The following TGDS variants were observed in gnomAD, a reference collection of about 807,000 sequenced individuals.
The protein encoded by TGDS is TDP-glucose 4,6-dehydratase.
In TGDS, 47 loss-of-function variants were observed where a neutral mutation model predicts 52.3. The observed-to-expected ratio is 0.90, with a 90% CI of 0.71 to 1.15. The LOEUF (loss-of-function observed/expected upper bound fraction) is 1.15. TGDS is among the 50% of genes most tolerant of loss of function. The probability of loss-of-function intolerance (pLI) is 0.00; values close to 1 mark genes in which losing one functional copy is unlikely to be tolerated. For missense variants in TGDS, 375 were observed against 418.4 expected (o/e 0.90, Z 0.90); for synonymous variants, 115 against 136.9 (o/e 0.84, Z 1.12).
chr13:94,594,649 T>G (rs949404515), intron 1 of TGDS, among the ~76,000 whole-genome samples: 15 of 152,196 alleles, frequency 9.9e-5, no homozygotes, highest in Non-Finnish European at 1.2e-4. Context: ...TTCACAGCAC[T>G]TTCTAAGTCG....
intron 6 of TGDS, 51 bp from the exon 7 acceptor site, chr13:94,580,004 A>T (rs1227954830): frequency 5.7e-6 from 7 of 1,222,170 alleles, no homozygotes; most frequent in African/African-American, 4.6e-5. Context: ...AATAATAATG[A>T]TTATTTTAAA....
At chr13:94,595,555 T>C (rs1008498947) in intron 1 of TGDS, among the ~76,000 whole-genome samples, 1 of 152,130 alleles carries the variant, frequency 6.6e-6, no homozygotes, top group African/African-American at 2.4e-5. Context: ...GCCGTAAGGA[T>C]ATACTTTGGA....
In TGDS at chr13:94,589,173, T is replaced by C. The variant is rs116503710; in HGVS notation, c.313+1680A>G. Among the ~76,000 whole-genome samples the C allele has an allele frequency of 4.0e-3, 613 of 152,222 alleles. 5 individuals are homozygous for C. The highest frequency in any genetic ancestry group is 0.014 in the African/African-American group (601 of 41,552). On this transcript the variant is annotated intron_variant, in intron 4 of 11. Coordinates refer to ENST00000261296, the MANE Select transcript of TGDS (RefSeq NM_014305.4). ...GTCAAAAAAGTGAGAAGATAGGCCA[T>C]ACAGAGAAGGCTCTGTAACATATGT... is the stretch of plus-strand genomic sequence containing the variant.
chr13:94,594,862 G>A (rs576823136), intron 1 of TGDS, among the ~76,000 whole-genome samples: 1 of 141,308 alleles, frequency 7.1e-6, no homozygotes, highest in East Asian at 2.5e-4. Flanking sequence ...TCCTTGAGGG[G>A]AGGATAGGAG....
chr13:94,588,013 AAAAAAG>A (rs1351628275), intron 4 of TGDS, among the ~76,000 whole-genome samples: 13 of 151,656 alleles, frequency 8.6e-5, no homozygotes, highest in South Asian at 8.3e-4. Context: ...AAAAAAAAAA[AAAAAAG>A]AGACAGAAAG....
intron 4 of TGDS, among the ~76,000 whole-genome samples, chr13:94,587,998 CAAAAA>C (rs71111537): frequency 2.3e-5 from 2 of 86,366 alleles, no homozygotes; most frequent in Non-Finnish European, 4.5e-5. Flanking sequence ...CACTCCATCT[CAAAAA>C]AAAAAAAAAA....
intron 4 of TGDS, among the ~76,000 whole-genome samples, chr13:94,583,754 A>G (rs1015300632): frequency 2.0e-5 from 3 of 152,294 alleles, no homozygotes; most frequent in East Asian, 3.9e-4. Flanking sequence ...TTGCATGGTT[A>G]AAAAACTAAA....
intron 11 of TGDS, among the ~76,000 whole-genome samples, chr13:94,575,819 T>G (rs1417445557): frequency 6.6e-6 from 1 of 152,148 alleles, no homozygotes; most frequent in Non-Finnish European, 1.5e-5. Context: ...AGACTTTATA[T>G]GCACTTATTT....
intron 10 of TGDS, 31 bp downstream of exon 10, chr13:94,577,340 C>T: frequency 6.6e-7 from 1 of 1,519,146 alleles, no homozygotes; most frequent in East Asian, 2.4e-5. Context: ...GATTTCACAA[C>T]CTTTCCCCAA....
chr13:94,575,866 C>T (rs2139511651), intron 11 of TGDS, among the ~76,000 whole-genome samples: 1 of 152,114 alleles, frequency 6.6e-6, no homozygotes, highest in South Asian at 2.1e-4. Context: ...TTTATTTCCT[C>T]TGTTGGTTTC....
At chr13:94,577,562 A>AGCT in intron 9 of TGDS, 133 bp from the exon 10 acceptor site, 1 of 648,552 alleles carries the variant, frequency 1.5e-6, no homozygotes, top group Non-Finnish European at 2.5e-6. Flanking sequence ...ACATCATTTT[A>AGCT]GTAACACTTT....
At position 94,574,478 on chromosome 13, in the gene TGDS, C is replaced by A. The variant is rs917306424; in HGVS notation, c.*304G>T. The A allele has an allele frequency of 8.1e-6, 2 of 245,504 alleles. No homozygotes were observed. The highest frequency in any genetic ancestry group is 1.5e-5 in the Non-Finnish European group (2 of 129,338). 15.2% of individuals were successfully genotyped at this position (245,504 alleles called of 1,614,324 possible). On this transcript the variant is annotated 3_prime_UTR_variant, in exon 12 of 12. Coordinates refer to ENST00000261296, the MANE Select transcript of TGDS (RefSeq NM_014305.4). ...GGTTGCCTTCTCCCTAGCACCACTA[C>A]CCCTCATGGTTGTCCGAATCAGGAG...
rs1442713093 is a variant in TGDS, at chr13:94,574,806, C to A, written c.1029G>T (p.Lys343Asn). ...ENFHNWKNVE[K>N]ALEPFPV ...ATTATACCGGAAAGGGTTCTAATGC[C>A]TTTTCCACATTCTTCCAGTTGTGAA... is the stretch of plus-strand genomic sequence containing the variant. The change falls in exon 12 of 12, where the codon AAG (lysine) becomes AAT (asparagine). Residue 343 changes from lysine to asparagine, a missense_variant. By Grantham distance (94) the Lys-to-Asn change is moderately conservative. Transcript: ENST00000261296. 1 of 1,607,584 alleles carries A rather than the reference C, an allele frequency of 6.2e-7. No individual in the cohort carries two copies. The highest frequency in any genetic ancestry group is 2.2e-5 in the East Asian group (1 of 44,796).
In TGDS at chr13:94,596,140, C is replaced by T. The variant is rs1566969408; in HGVS notation, c.-4G>A. 1 of 1,613,888 alleles carries T rather than the reference C, an allele frequency of 6.2e-7. No homozygotes were observed. Among genetic ancestry groups the T allele is most frequent in the Non-Finnish European group, 8.5e-7 (1 of 1,179,898 alleles). ...CCTCCCAACACGCCGCCGACATCTC[C>T]CAGCTCAGCAGTGCCTAGTACCGTA... On this transcript the variant is annotated 5_prime_UTR_variant, in exon 1 of 12. Coordinates refer to ENST00000261296, the MANE Select transcript of TGDS (RefSeq NM_014305.4).
chr13:94,583,586 G>A (rs943908365), intron 4 of TGDS, among the ~76,000 whole-genome samples: 2 of 152,082 alleles, frequency 1.3e-5, no homozygotes, highest in Admixed American at 1.3e-4. Flanking sequence ...ATCTGTTACT[G>A]CTGAAAGCAA....
At chr13:94,577,295 A>C in intron 10 of TGDS, 76 bp downstream of exon 10, 1 of 1,144,596 alleles carries the variant, frequency 8.7e-7, no homozygotes, top group Non-Finnish European at 1.2e-6. Flanking sequence ...GTTATTGGTC[A>C]AGTCCACATA....
chr13:94,576,441 A>G (rs1242776596), intron 10 of TGDS, 30 bp from the exon 11 acceptor site: 1 of 1,413,740 alleles, frequency 7.1e-7, no homozygotes, highest in Non-Finnish European at 9.6e-7. Context: ...TTAAAATAAT[A>G]TTGTAGATAT....
At chr13:94,588,354 C>T (rs1413112354) in intron 4 of TGDS, among the ~76,000 whole-genome samples, 11 of 126,704 alleles carry the variant, frequency 8.7e-5, no homozygotes, top group African/African-American at 3.0e-4. Context: ...ATCTGGGAGG[C>T]GGAGGTTGCA....
chr13:94,587,516 G>A lies in TGDS; in HGVS notation c.313+3337C>T, dbSNP rs552192304. 3.3e-5 allele frequency among the ~76,000 whole-genome samples: 5 copies of A among 150,874 alleles called. 1 individual carries two copies. Among genetic ancestry groups the A allele is most frequent in the Admixed American group, 2.0e-4 (3 of 15,216 alleles). On this transcript the variant is annotated intron_variant, in intron 4 of 11. Transcript: ENST00000261296. Reference sequence around the variant, plus strand: ...ATAGAGCCGAGAAACAAAAGCATACGTATATAAACATTTGACCCATGACAA... The same window carrying A: ...ATAGAGCCGAGAAACAAAAGCATACATATATAAACATTTGACCCATGACAA...
Sources: gnomAD v4.1 joint callset for allele counts (sites outside exome capture counted in the v4.1 genomes callset) on GRCh38, gnomAD v4.1.1 for gene constraint, MANE v1.5 for transcripts, NCBI Gene and HGNC (gene_info 2026-07-23, HGNC 2026-07-21) for gene names.